APBB2: variants seen among roughly 807,000 people sequenced by gnomAD.
APBB2 encodes Fe65-like 1.
APBB2 carries 38 observed loss-of-function variants against 82.5 expected under a neutral mutation model. The observed-to-expected ratio is 0.46, with a 90% CI of 0.36 to 0.60. The LOEUF is 0.60. Ranked by LOEUF, APBB2 falls within the 20% of genes least tolerant of loss-of-function variation. The pLI is 0.00. For missense variants in APBB2, 772 were observed against 972.3 expected, an observed-to-expected ratio of 0.79 and a Z score of 2.74; for synonymous variants, 341 against 368.2, an observed-to-expected ratio of 0.93 and a Z score of 0.85.
chr4:40,896,432 TG>T (rs1445572868), intron 10 of APBB2, among the ~76,000 whole-genome samples: 3 of 152,370 alleles, frequency 2.0e-5, no homozygotes. Flanking sequence ...AGCTCTCTGA[TG>T]TACTGTGGGA....
chr4:40,964,507 T>G (rs1362781273), intron 6 of APBB2, among the ~76,000 whole-genome samples: 3 of 152,026 alleles, frequency 2.0e-5, no homozygotes, highest in Admixed American at 2.0e-4. Context: ...GGCCCAGCAA[T>G]ATCGAGAGTG....
intron 2 of APBB2, among the ~76,000 whole-genome samples, chr4:41,134,478 C>G (rs114929749): frequency 0.027 from 4,059 of 151,802 alleles, 122 homozygotes; most frequent in African/African-American, 0.069. Flanking sequence ...CAGCCCCCAG[C>G]CCCCCACAAA....
chr4:41,028,060 G>T (rs1472619589), intron 5 of APBB2, among the ~76,000 whole-genome samples: 3 of 152,204 alleles, frequency 2.0e-5, no homozygotes, highest in African/African-American at 7.2e-5. Flanking sequence ...TTATAGCCTG[G>T]CACGTGTTTC....
chr4:40,940,621 G>T (rs1323033365), intron 7 of APBB2, among the ~76,000 whole-genome samples: 5 of 152,292 alleles, frequency 3.3e-5, no homozygotes, highest in African/African-American at 1.2e-4. Context: ...CTCCTGGGGG[G>T]GTTAGGCTCT....
Position 40,832,013 on chromosome 4 carries a change from T to TATATATACACACAC in APBB2, c.1530-1437_1530-1436insGTGTGTGTATATAT, listed in dbSNP as rs777910826. Among the ~76,000 whole-genome samples the TATATATACACACAC allele has an allele frequency of 2.2e-5, 3 of 138,882 alleles. No individual in the cohort carries two copies. The highest frequency in any genetic ancestry group is 5.4e-5 in the African/African-American group (2 of 37,018). 91.1% of individuals were successfully genotyped at this position (138,882 alleles called of 152,430 possible). On this transcript the variant is annotated intron_variant, in intron 12 of 17. Transcript: ENST00000508593. This position sits in a 1 kb window ranked among gnomAD's most constrained non-coding sequence, Gnocchi z 4.8. ...ACACATATTTATATATTTATTTATATACACACACACACACACACACACACA... is the reference window on the plus strand; with the variant it reads ...ACACATATTTATATATTTATTTATATATATATACACACACACACACACACACACACACACACACA...
intron 12 of APBB2, among the ~76,000 whole-genome samples, chr4:40,866,858 C>T (rs1764154859): frequency 6.6e-6 from 1 of 152,152 alleles, no homozygotes; most frequent in South Asian, 2.1e-4. Context: ...GCTAGGATTA[C>T]AGGTGTGCGC....
intron 6 of APBB2, among the ~76,000 whole-genome samples, chr4:40,978,452 C>T (rs1043652850): frequency 3.9e-5 from 6 of 151,908 alleles, no homozygotes; most frequent in Non-Finnish European, 4.4e-5. Flanking sequence ...ATACAAACCA[C>T]TAGAGAAAAA....
intron 1 of APBB2, among the ~76,000 whole-genome samples, chr4:41,157,677 T>C (rs946864836): frequency 1.3e-5 from 2 of 152,128 alleles, no homozygotes; most frequent in African/African-American, 2.4e-5. Context: ...TCTTCGCAAA[T>C]TTCCATGGCT....
At chr4:41,023,226 A>C (rs1307502244) in intron 5 of APBB2, among the ~76,000 whole-genome samples, 1 of 152,226 alleles carries the variant, frequency 6.6e-6, no homozygotes, top group Non-Finnish European at 1.5e-5. Flanking sequence ...GAAAAGCATC[A>C]GGCATATTGT....
chr4:40,928,079 G>A (rs988093462), intron 10 of APBB2, among the ~76,000 whole-genome samples: 3 of 152,194 alleles, frequency 2.0e-5, no homozygotes, highest in Admixed American at 1.3e-4. Context: ...CTACCTGGCC[G>A]CCTAAAACGT....
chr4:41,176,361 AT>A (rs1348513116), intron 1 of APBB2, among the ~76,000 whole-genome samples: 1 of 150,930 alleles, frequency 6.6e-6, no homozygotes, highest in Non-Finnish European at 1.5e-5. Context: ...CCCATAAAGA[AT>A]GTATTTTTTT....
In APBB2 at chr4:40,847,678, T is replaced by C. The variant is rs535141682; in HGVS notation, c.1530-17101A>G. ...ACCCAGCCACATGGAGGACCTCTTG[T>C]GGATATGGTGAATCACTTTCTGAAT... On this transcript the variant is annotated intron_variant, in intron 12 of 17. Transcript: ENST00000508593. Among the ~76,000 whole-genome samples, 72 of 152,336 alleles carry C rather than the reference T, an allele frequency of 4.7e-4. No homozygotes were observed. The South Asian group carries it at 0.012, about 25-fold the overall frequency.
intron 6 of APBB2, among the ~76,000 whole-genome samples, chr4:40,956,142 CTTAGTCCCT>C (rs1386438237): frequency 2.6e-5 from 4 of 152,108 alleles, no homozygotes; most frequent in African/African-American, 7.2e-5. Context: ...TCTCTCACTA[CTTAGTCCCT>C]TTATTTTTTC....
At chr4:41,046,794 C>A (rs1723590303) in intron 4 of APBB2, among the ~76,000 whole-genome samples, 1 of 152,170 alleles carries the variant, frequency 6.6e-6, no homozygotes. Flanking sequence ...GCCTCCCAGG[C>A]AGCATGCAAC....
Position 40,815,379 on chromosome 4 carries a change from AAAAG to A in APBB2, c.*709_*712del, listed in dbSNP as rs1745341430. 6.6e-6 allele frequency: 1 copy of A among 152,622 alleles called. No homozygotes were observed. The highest frequency in any genetic ancestry group is 2.4e-5 in the African/African-American group (1 of 41,456). 9.5% of individuals were successfully genotyped at this position (152,622 alleles called of 1,614,324 possible). ...AAATAATCAGTTTGAAAACCATCGG[AAAAG>A]AAAGGCTATGTTTTGTTCGATTTTA... On this transcript the variant is annotated 3_prime_UTR_variant, in exon 18 of 18. Coordinates refer to ENST00000508593, the MANE Select transcript of APBB2 (RefSeq NM_004307.2).
intron 1 of APBB2, among the ~76,000 whole-genome samples, chr4:41,190,316 A>T (rs1374103260): frequency 7.6e-6 from 1 of 131,712 alleles, no homozygotes; most frequent in Non-Finnish European, 1.5e-5. Flanking sequence ...CAGTGCCGCG[A>T]TCTCGGCTCA....
At chr4:41,164,689 A>G (rs1343490648) in intron 1 of APBB2, among the ~76,000 whole-genome samples, 1 of 152,252 alleles carries the variant, frequency 6.6e-6, no homozygotes, top group Non-Finnish European at 1.5e-5. Context: ...TAACCTTTAA[A>G]TAACTAAAAC....
Position 40,812,413 on chromosome 4 carries a change from TG to T in APBB2, c.*3678del. Reference sequence around the variant, plus strand: ...AAGCGTTCTTTCAGGGGAAGTAAGCTGCTCTGGAGGCCAGGAACTACTGCTT... The same window carrying T: ...AAGCGTTCTTTCAGGGGAAGTAAGCTCTCTGGAGGCCAGGAACTACTGCTT... On this transcript the variant is annotated 3_prime_UTR_variant, in exon 18 of 18. Coordinates refer to ENST00000508593, the MANE Select transcript of APBB2 (RefSeq NM_004307.2). 6.6e-6 allele frequency: 1 copy of T among 152,362 alleles called. No homozygotes were observed. The highest frequency in any genetic ancestry group is 1.9e-4 in the East Asian group (1 of 5,194). 9.4% of individuals were successfully genotyped at this position (152,362 alleles called of 1,614,324 possible).
At chr4:41,197,760 T>C in intron 1 of APBB2, among the ~76,000 whole-genome samples, 2 of 152,206 alleles carry the variant, frequency 1.3e-5, no homozygotes, top group African/African-American at 4.8e-5. Context: ...ATCACACTCT[T>C]CTTTCTACCC....
Sources: gnomAD v4.1 joint callset for allele counts (sites outside exome capture counted in the v4.1 genomes callset) on GRCh38, gnomAD v4.1.1 for gene constraint, Gnocchi (gnomAD v3.1) non-coding constraint, MANE v1.5 for transcripts, NCBI Gene and HGNC (gene_info 2026-07-23, HGNC 2026-07-21) for gene names.